The following PSMF1 variants were observed in gnomAD, a reference collection of about 807,000 sequenced individuals.
The protein encoded by PSMF1 is proteasome inhibitor subunit 1.
Under a neutral mutation model 29.3 loss-of-function variants are expected in PSMF1, and 30 were observed. The ratio of observed to expected loss-of-function variants is 1.02; its 90% CI spans 0.77 to 1.39. The LOEUF is 1.39. Ranked by LOEUF, PSMF1 falls within the 40% of genes most tolerant of loss-of-function variation. The pLI is 0.00. For synonymous variants in PSMF1, 134 were observed against 139.7 expected (o/e 0.96, Z 0.29); for missense variants, 344 against 357.5 (o/e 0.96, Z 0.31).
intron 1 of PSMF1, among the ~76,000 whole-genome samples, chr20:1,123,024 T>C (rs993220133): frequency 2.2e-4 from 34 of 152,214 alleles, no homozygotes; most frequent in African/African-American, 8.0e-4. Flanking sequence ...ACACTAAACA[T>C]ATTCGGGAAA....
chr20:1,133,569 A>ATATATATATATATATTTTTTTTTT, intron 3 of PSMF1, among the ~76,000 whole-genome samples: 34 of 53,274 alleles, frequency 6.4e-4, no homozygotes, highest in East Asian at 2.8e-3. Flanking sequence ...ATATATATAT[A>ATATATATATATATATTTTTTTTTT]TTTTTTTTTT....
intron 4 of PSMF1, among the ~76,000 whole-genome samples, chr20:1,153,681 G>T (rs1396390660): frequency 6.6e-6 from 1 of 152,176 alleles, no homozygotes; most frequent in Non-Finnish European, 1.5e-5. Context: ...TCTCAAATGT[G>T]AAATATATCT....
At position 1,166,872 on chromosome 20, in the gene PSMF1, A is replaced by G. The variant is rs6104679; in HGVS notation, c.*1792A>G. 3 of 152,678 alleles carry G rather than the reference A, an allele frequency of 2.0e-5. No homozygotes were observed. Among genetic ancestry groups the G allele is most frequent in the African/African-American group, 7.2e-5 (3 of 41,392 alleles). The allele number at this position is 152,678 out of a possible 1,614,324, so 9.5% of individuals were successfully genotyped here. A position where few individuals can be genotyped will look rare whatever the true frequency, so the allele number is the denominator to read the frequency against. On this transcript the variant is annotated 3_prime_UTR_variant, in exon 7 of 7. Transcript: ENST00000335877. ...TAAAGACATCCTTTATTATAAAAGGAAGTATTTAAAGGATGATAGAGACCA... is the reference window on the plus strand; with the variant it reads ...TAAAGACATCCTTTATTATAAAAGGGAGTATTTAAAGGATGATAGAGACCA...
rs1243960226 is a variant in PSMF1, at chr20:1,126,889, A to G, written c.283-537A>G. ...GCAAGCCTCTGTCTCAAAACAAAAC[A>G]AAACAAAAAGAACCAGGATAGCTCA... On this transcript the variant is annotated intron_variant, in intron 2 of 6. Coordinates refer to ENST00000335877, the MANE Select transcript of PSMF1 (RefSeq NM_006814.5). Among the ~76,000 whole-genome samples, 8 of 152,246 alleles carry G rather than the reference A, an allele frequency of 5.3e-5. No homozygotes were observed. In the East Asian group the frequency reaches 1.5e-3, roughly 29 times the overall value.
intron 4 of PSMF1, among the ~76,000 whole-genome samples, chr20:1,147,137 T>C (rs1182218419): frequency 1.7e-5 from 2 of 120,264 alleles, no homozygotes; most frequent in Non-Finnish European, 3.7e-5. Context: ...GTTTCCGTTA[T>C]CATCATCATC....
intron 4 of PSMF1, among the ~76,000 whole-genome samples, chr20:1,150,582 A>G (rs1046386965): frequency 1.3e-5 from 2 of 152,150 alleles, no homozygotes; most frequent in Admixed American, 1.3e-4. Context: ...GAGGTAATCA[A>G]ATCTCTTGTT....
At position 1,125,648 on chromosome 20, in the gene PSMF1, C is replaced by T. The variant is rs1253720290; in HGVS notation, c.280C>T (p.Leu94=). 1 of 1,609,930 alleles carries T rather than the reference C, an allele frequency of 6.2e-7. No individual in the cohort carries two copies. The highest frequency in any genetic ancestry group is 1.3e-5 in the African/African-American group (1 of 74,886). The change falls in exon 2 of 7, where the codon CTG becomes TTG. Residue 94 remains leucine (L), a splice_region_variant and synonymous_variant. Transcript: ENST00000335877. The stretch of plus-strand genomic sequence containing the variant: ...GGAGAGCAGCATGATCCTCAATGTG[C>T]TGGTGAGTCTCTGGGACACGTGAGT... The part of the protein sequence containing the change: ...TVESSMILNV[L]EYGSQQVADL...
chr20:1,122,059 T>C (rs1210655038), intron 1 of PSMF1, among the ~76,000 whole-genome samples: 4 of 152,218 alleles, frequency 2.6e-5, no homozygotes, highest in African/African-American at 9.6e-5. Context: ...TTGGGGCAAA[T>C]TCATGGCCAT....
chr20:1,152,346 A>G (rs894196978), intron 4 of PSMF1, among the ~76,000 whole-genome samples: 3 of 152,148 alleles, frequency 2.0e-5, no homozygotes, highest in African/African-American at 7.2e-5. Context: ...AGTATTTCCA[A>G]CTTTTGACAC....
At position 1,171,592 on chromosome 20, in the gene PSMF1, C is replaced by T. The variant is rs2086790567; in HGVS notation, c.*6512C>T. ...GAGGTCCCTGAGTGACAAAAATATG[C>T]AGGACCCCTTCTTTCCCCCTCCCAG... On this transcript the variant is annotated 3_prime_UTR_variant, in exon 7 of 7. Coordinates refer to ENST00000335877, the MANE Select transcript of PSMF1 (RefSeq NM_006814.5). Among the ~76,000 whole-genome samples, 1 of 152,202 alleles carries T rather than the reference C, an allele frequency of 6.6e-6. No homozygotes were observed. The highest frequency in any genetic ancestry group is 1.5e-5 in the Non-Finnish European group (1 of 68,038).
At chr20:1,152,579 A>C (rs2086545235) in intron 4 of PSMF1, among the ~76,000 whole-genome samples, 1 of 152,212 alleles carries the variant, frequency 6.6e-6, no homozygotes, top group African/African-American at 2.4e-5. Context: ...TTTACAAGGG[A>C]GGGACTTCAT....
At chr20:1,113,507 T>C (rs2085986367) in intron 1 of PSMF1, 1 of 105,722 alleles carries the variant, frequency 9.5e-6, no homozygotes, top group African/African-American at 3.5e-5. Flanking sequence ...CCCCAGGAGT[T>C]CCTCCCATTT....
intron 4 of PSMF1, among the ~76,000 whole-genome samples, chr20:1,162,393 T>C: frequency 6.6e-6 from 1 of 152,300 alleles, no homozygotes; most frequent in South Asian, 2.1e-4. Context: ...AAAATAAAAG[T>C]GCTGCCATTT....
Position 1,118,883 on chromosome 20 carries a change from G to A in PSMF1, c.110G>A (p.Gly37Asp). The change falls in exon 1 of 7, where the codon GGC (glycine) becomes GAC (aspartate). Residue 37 changes from glycine (G) to aspartate (D), a missense_variant. Gly to Asp is a moderately conservative substitution (Grantham distance 94). Transcript: ENST00000335877. ...HWEVVTHGYF[G>D]LGVGDQPGPN... ...GAAGTGGTGACACACGGTTACTTCG[G>A]CTTGGGTGTCGGTGACCAGGTACGC... 6.2e-7 allele frequency: 1 copy of A among 1,614,090 alleles called. No homozygotes were observed. The highest frequency in any genetic ancestry group is 8.5e-7 in the Non-Finnish European group (1 of 1,179,956).
At chr20:1,125,900 C>G in intron 2 of PSMF1, 1 of 642,032 alleles carries the variant, frequency 1.6e-6, no homozygotes. Context: ...TAAGGTAAAT[C>G]TATTCAGTGA....
chr20:1,126,910 GCT>G, intron 2 of PSMF1, among the ~76,000 whole-genome samples: 1 of 152,202 alleles, frequency 6.6e-6, no homozygotes, highest in East Asian at 1.9e-4. Context: ...AACCAGGATA[GCT>G]CATTGAAACA....
chr20:1,125,826 A>G (rs569269682), intron 2 of PSMF1, 176 bp downstream of exon 2: 7 of 846,324 alleles, frequency 8.3e-6, no homozygotes, highest in Non-Finnish European at 1.4e-5. Flanking sequence ...ACCTTCGTGC[A>G]CAAAGGTATC....
chr20:1,126,380 T>C (rs1353133002), intron 2 of PSMF1, among the ~76,000 whole-genome samples: 1 of 152,182 alleles, frequency 6.6e-6, no homozygotes, highest in Non-Finnish European at 1.5e-5. Context: ...TTTCACTCGG[T>C]GTTTTGGAGG....
chr20:1,134,736 A>T, intron 3 of PSMF1: 1 of 319,390 alleles, frequency 3.1e-6, no homozygotes, highest in East Asian at 8.8e-5. Flanking sequence ...CATCCTCCCC[A>T]TGGAGCCTTT....
Sources: gnomAD v4.1 joint callset for allele counts (sites outside exome capture counted in the v4.1 genomes callset) on GRCh38, gnomAD v4.1.1 for gene constraint, MANE v1.5 for transcripts, NCBI Gene and HGNC (gene_info 2026-07-23, HGNC 2026-07-21) for gene names.